CSNK1A1: variants seen among roughly 807,000 people sequenced by gnomAD.
The protein encoded by CSNK1A1 is casein kinase I isoform alpha.
CSNK1A1 carries 7 observed loss-of-function variants against 46.1 expected under a neutral mutation model. That is an observed-to-expected ratio of 0.15 (90% CI 0.09 to 0.29). The LOEUF is 0.29. Ranked by LOEUF, CSNK1A1 falls within the 10% of genes least tolerant of loss-of-function variation. The pLI is 1.00. For synonymous variants in CSNK1A1, 137 were observed against 141.5 expected, an observed-to-expected ratio of 0.97 and a Z score of 0.23; for missense variants, 96 against 417.1, an observed-to-expected ratio of 0.23 and a Z score of 6.71.
chr5:149,501,802 C>T (rs1172388861), intron 9 of CSNK1A1: 5 of 979,506 alleles, frequency 5.1e-6, no homozygotes, highest in African/African-American at 1.8e-5. Context: ...ATTTCATTTT[C>T]CTTTACTTAT....
In CSNK1A1 at chr5:149,494,293, A is replaced by G. The variant is rs888375469; in HGVS notation, c.*2560T>C. 4.6e-5 allele frequency: 7 copies of G among 152,328 alleles called. No homozygotes were observed. In the East Asian group the frequency reaches 1.2e-3, roughly 25 times the overall value. The allele number at this position is 152,328 out of a possible 1,614,324, so 9.4% of individuals were successfully genotyped here. A position where few individuals can be genotyped will look rare whatever the true frequency, so the allele number is the denominator to read the frequency against. The stretch of plus-strand genomic sequence containing the variant: ...CTCCAAATATTCATTTGTAAGCCAT[A>G]AGAGGATAAGCACAACCATATGGGA... On this transcript the variant is annotated 3_prime_UTR_variant, in exon 10 of 10. Coordinates refer to ENST00000377843, the MANE Select transcript of CSNK1A1 (RefSeq NM_001892.6).
At chr5:149,513,711 C>T (rs979775151) in intron 4 of CSNK1A1, among the ~76,000 whole-genome samples, 16 of 151,912 alleles carry the variant, frequency 1.1e-4, no homozygotes, top group Non-Finnish European at 5.9e-5. Context: ...ACCAGCCTGA[C>T]CAAACATGGC....
At chr5:149,508,240 T>C (rs1211219526) in intron 7 of CSNK1A1, among the ~76,000 whole-genome samples, 1 of 152,210 alleles carries the variant, frequency 6.6e-6, no homozygotes, top group African/African-American at 2.4e-5. Context: ...ATTGCACCGA[T>C]ATAAATTGGG....
At chr5:149,542,598 A>C (rs1762274774) in intron 2 of CSNK1A1, among the ~76,000 whole-genome samples, 1 of 4,402 alleles carries the variant, frequency 2.3e-4, no homozygotes, top group Non-Finnish European at 3.4e-4. Context: ...AAATTTATAT[A>C]TATATATATA....
chr5:149,503,836 TC>T, intron 9 of CSNK1A1: 1 of 985,380 alleles, frequency 1.0e-6, no homozygotes, highest in Non-Finnish European at 1.2e-6. Flanking sequence ...ATGTTCTAGG[TC>T]AGAAGAGATT....
At chr5:149,542,636 A>T (rs931744757) in intron 2 of CSNK1A1, among the ~76,000 whole-genome samples, 2 of 9,770 alleles carry the variant, frequency 2.0e-4, no homozygotes, top group Non-Finnish European at 3.1e-4. Flanking sequence ...ATATATATAT[A>T]TATGTATATA....
chr5:149,548,015 C>T (rs13174997), intron 2 of CSNK1A1, among the ~76,000 whole-genome samples: 42,975 of 151,756 alleles, frequency 0.28, 6,780 homozygotes, highest in East Asian at 0.62. Context: ...GGATTACAGG[C>T]ACGTGCCACC....
At chr5:149,500,486 C>T (rs1760815987) in intron 9 of CSNK1A1, among the ~76,000 whole-genome samples, 1 of 151,968 alleles carries the variant, frequency 6.6e-6, no homozygotes, top group African/African-American at 2.4e-5. Context: ...ACTGTGTCAG[C>T]CAGGATGGTC....
intron 9 of CSNK1A1, chr5:149,498,659 T>C (rs1760730847): frequency 1.0e-6 from 1 of 985,330 alleles, no homozygotes; most frequent in South Asian, 4.7e-5. Context: ...TTGCAATTCT[T>C]CTTAAACATG....
intron 2 of CSNK1A1, among the ~76,000 whole-genome samples, chr5:149,542,443 AC>A (rs1448028120): frequency 1.2e-5 from 1 of 85,606 alleles, no homozygotes; most frequent in African/African-American, 4.5e-5. Context: ...CCCCCACCCC[AC>A]CCCCTACTTG....
intron 9 of CSNK1A1, chr5:149,501,410 G>C (rs1330633292): frequency 1.0e-6 from 1 of 985,328 alleles, no homozygotes; most frequent in African/African-American, 1.7e-5. Flanking sequence ...GTGCTGCTGA[G>C]TGACCAGCAC....
At position 149,545,597 on chromosome 5, in the gene CSNK1A1, T is replaced by C. The variant is rs948409931; in HGVS notation, c.230+4478A>G. 1.2e-5 allele frequency: 10 copies of C among 827,068 alleles called. No homozygotes were observed. In the African/African-American group the frequency reaches 1.4e-4, roughly 11 times the overall value. The allele number at this position is 827,068 out of a possible 1,614,324, so 51.2% of individuals were successfully genotyped here. Reference sequence around the variant, plus strand: ...TCGCAGCTGACACCCTTTGGGATCTTGGGCTTAACCTCCTTGGGCTTTACG... The same window carrying C: ...TCGCAGCTGACACCCTTTGGGATCTCGGGCTTAACCTCCTTGGGCTTTACG... On this transcript the variant is annotated intron_variant, in intron 2 of 9. Transcript: ENST00000377843.
At chr5:149,530,351 A>G (rs982701306) in intron 2 of CSNK1A1, among the ~76,000 whole-genome samples, 1 of 152,250 alleles carries the variant, frequency 6.6e-6, no homozygotes, top group African/African-American at 2.4e-5. Context: ...GGAAGCATCT[A>G]TTTATCCCTA....
chr5:149,547,907 T>C (rs188522055), intron 2 of CSNK1A1, among the ~76,000 whole-genome samples: 4 of 152,234 alleles, frequency 2.6e-5, no homozygotes, highest in Admixed American at 2.0e-4. Context: ...CGTCTCGCTC[T>C]GTCACCAGGC....
intron 2 of CSNK1A1, among the ~76,000 whole-genome samples, chr5:149,534,299 T>C (rs1293184961): frequency 1.3e-5 from 2 of 151,644 alleles, no homozygotes; most frequent in East Asian, 2.0e-4. Flanking sequence ...CTGGCCAACA[T>C]GGTGAAACCC....
intron 9 of CSNK1A1, chr5:149,504,059 T>G (rs1470472338): frequency 2.4e-5 from 24 of 985,338 alleles, no homozygotes; most frequent in Non-Finnish European, 2.8e-5. Flanking sequence ...CATTATGAAC[T>G]TCTTGGCACT....
At chr5:149,499,153 G>A (rs1464247403) in intron 9 of CSNK1A1, 4 of 985,258 alleles carry the variant, frequency 4.1e-6, no homozygotes, top group Non-Finnish European at 3.6e-6. Context: ...CAGTCTTGCA[G>A]TACTAAGCAT....
intron 2 of CSNK1A1, among the ~76,000 whole-genome samples, chr5:149,532,522 A>G (rs1379450949): frequency 6.6e-6 from 1 of 152,020 alleles, no homozygotes; most frequent in African/African-American, 2.4e-5. Flanking sequence ...GTGAAACCCC[A>G]TCTCTACTAA....
rs1266130506 is a variant in CSNK1A1 at position 149,550,686 on chromosome 5, G to A, written c.123+156C>T. 6.6e-6 allele frequency among the ~76,000 whole-genome samples: 1 copy of A among 152,052 alleles called. No homozygotes were observed. Among genetic ancestry groups the A allele is most frequent in the African/African-American group, 2.4e-5 (1 of 41,398 alleles). ...GGTTCTTGACCCTTTTAGGGAGACA[G>A]CGGACGAGGTTCGTAAGCCAGGAAA... On this transcript the variant is annotated intron_variant, in intron 1 of 9. Transcript: ENST00000377843. This position sits in a 1 kb window ranked among gnomAD's most constrained non-coding sequence, Gnocchi z 4.3.
Sources: gnomAD v4.1 joint callset for allele counts (sites outside exome capture counted in the v4.1 genomes callset) on GRCh38, gnomAD v4.1.1 for gene constraint, Gnocchi (gnomAD v3.1) non-coding constraint, MANE v1.5 for transcripts, NCBI Gene and HGNC (gene_info 2026-07-23, HGNC 2026-07-21) for gene names.